NTNG1: variants seen among roughly 807,000 people sequenced by gnomAD.
The protein encoded by NTNG1 is netrin G1.
A neutral mutation model predicts 54.0 loss-of-function variants in NTNG1; 16 were observed. The ratio of observed to expected loss-of-function variants is 0.30; its 90% confidence interval spans 0.20 to 0.45. The LOEUF (loss-of-function observed/expected upper bound fraction) is 0.45. Among genes scored for constraint, NTNG1 ranks in the 20% least tolerant of loss-of-function variants. The probability of loss-of-function intolerance (pLI) is 1.00; values close to 1 mark genes in which losing one functional copy is unlikely to be tolerated. For missense variants in NTNG1, 530 were observed against 678.7 expected (o/e 0.78, Z 2.43); for synonymous variants, 255 against 263.1 (o/e 0.97, Z 0.30).
chr1:107,394,996 G>A (rs1672590255), intron 3 of NTNG1, among the ~76,000 whole-genome samples, 158 bp from the exon 4 acceptor site: 1 of 152,090 alleles, frequency 6.6e-6, no homozygotes, highest in Admixed American at 6.6e-5. Flanking sequence ...CTCTTTTGGG[G>A]AAGATTCTGA....
intron 7 of NTNG1, among the ~76,000 whole-genome samples, chr1:107,437,356 A>G (rs1278711570): frequency 6.6e-6 from 1 of 152,214 alleles, no homozygotes; most frequent in Non-Finnish European, 1.5e-5. Context: ...CTATGCGAGG[A>G]GCTGTGGACA....
chr1:107,348,457 C>T (rs1477816666), intron 3 of NTNG1, among the ~76,000 whole-genome samples: 1 of 152,008 alleles, frequency 6.6e-6, no homozygotes, highest in African/African-American at 2.4e-5. Flanking sequence ...ATGTTAATAC[C>T]TCTATTTTAC....
intron 2 of NTNG1, among the ~76,000 whole-genome samples, chr1:107,198,771 A>G (rs147773805): frequency 6.6e-6 from 1 of 151,774 alleles, no homozygotes; most frequent in Admixed American, 6.6e-5. Context: ...GTGTGGTTTC[A>G]TAGGGCGTTT....
chr1:107,304,012 T>C (rs1666498843), intron 2 of NTNG1, among the ~76,000 whole-genome samples: 1 of 145,750 alleles, frequency 6.9e-6, no homozygotes, highest in Admixed American at 6.7e-5. Flanking sequence ...CCCCTGCCTC[T>C]TTTCAGAAAA....
chr1:107,244,145 A>G (rs1394727364), intron 2 of NTNG1, among the ~76,000 whole-genome samples: 2 of 152,208 alleles, frequency 1.3e-5, no homozygotes, highest in Non-Finnish European at 2.9e-5. Flanking sequence ...AACTTTATAT[A>G]TAATGTTGCC....
intron 2 of NTNG1, among the ~76,000 whole-genome samples, chr1:107,298,897 C>T (rs1490025904): frequency 2.0e-5 from 3 of 152,112 alleles, no homozygotes; most frequent in Non-Finnish European, 4.4e-5. Context: ...AATATAAGCA[C>T]CAAACTTACA....
At chr1:107,307,400 G>A (rs1210937964) in intron 2 of NTNG1, among the ~76,000 whole-genome samples, 2 of 152,158 alleles carry the variant, frequency 1.3e-5, no homozygotes, top group Non-Finnish European at 2.9e-5. Flanking sequence ...TGATGATGAT[G>A]CTAGTAATTT....
At chr1:107,142,516 C>A (rs1653804942) in intron 1 of NTNG1, among the ~76,000 whole-genome samples, 1 of 151,900 alleles carries the variant, frequency 6.6e-6, no homozygotes, top group African/African-American at 2.4e-5. Flanking sequence ...AATAATGGAG[C>A]CACTCCTCAT....
chr1:107,332,766 A>G (rs945024680), intron 3 of NTNG1, among the ~76,000 whole-genome samples: 3 of 152,156 alleles, frequency 2.0e-5, no homozygotes, highest in Non-Finnish European at 4.4e-5. Flanking sequence ...ATTCTGTTGC[A>G]ATATGGGTCT....
At chr1:107,301,455 G>A (rs1666311283) in intron 2 of NTNG1, among the ~76,000 whole-genome samples, 1 of 152,148 alleles carries the variant, frequency 6.6e-6, no homozygotes, top group Non-Finnish European at 1.5e-5. Flanking sequence ...CCTCCTGGCT[G>A]ACTTCAAACC....
chr1:107,307,805 C>G lies in NTNG1; in HGVS notation c.247-16477C>G, dbSNP rs538340282. The stretch of plus-strand genomic sequence containing the variant: ...TTCTCTCTGTCTTCTAACACTTAGC[C>G]CTGTTCTCACTTCTACGTAAGCTGT... On this transcript the variant is annotated intron_variant, in intron 2 of 7. Transcript: ENST00000370068. Among the ~76,000 whole-genome samples the G allele has an allele frequency of 2.0e-5, 3 of 152,230 alleles. No individual in the cohort carries two copies. In the East Asian group the frequency reaches 5.8e-4, roughly 29 times the overall value.
At chr1:107,416,886 A>G (rs754795719) in intron 5 of NTNG1, among the ~76,000 whole-genome samples, 2 of 152,068 alleles carry the variant, frequency 1.3e-5, no homozygotes, top group Non-Finnish European at 2.9e-5. Flanking sequence ...CCGAACTAAG[A>G]TTGTCTTAAT....
chr1:107,381,655 A>G (rs1156499421), intron 3 of NTNG1, among the ~76,000 whole-genome samples: 1 of 152,198 alleles, frequency 6.6e-6, no homozygotes, highest in Non-Finnish European at 1.5e-5. Context: ...GTAGTCAGGT[A>G]TGTTAGTTAG....
At chr1:107,362,161 C>T (rs1338813368) in intron 3 of NTNG1, among the ~76,000 whole-genome samples, 1 of 152,188 alleles carries the variant, frequency 6.6e-6, no homozygotes, top group African/African-American at 2.4e-5. Flanking sequence ...ACCCATTTTC[C>T]TCAGAACTCT....
intron 2 of NTNG1, among the ~76,000 whole-genome samples, chr1:107,321,366 C>T (rs1667652618): frequency 1.3e-5 from 2 of 152,028 alleles, no homozygotes; most frequent in Admixed American, 1.3e-4. Flanking sequence ...CTGTGCCAAG[C>T]AATGAAGAAC....
intron 3 of NTNG1, among the ~76,000 whole-genome samples, chr1:107,357,739 T>A (rs1670023862): frequency 6.6e-6 from 1 of 152,236 alleles, no homozygotes; most frequent in Admixed American, 6.5e-5. Context: ...AATTCGTTTT[T>A]CACAATGACA....
chr1:107,463,961 T>C (rs1677438778), intron 7 of NTNG1, among the ~76,000 whole-genome samples: 1 of 152,174 alleles, frequency 6.6e-6, no homozygotes, highest in Non-Finnish European at 1.5e-5. Flanking sequence ...TCCTAGACTA[T>C]ATAAAAAGGA....
chr1:107,435,374 G>C (rs1675534180), intron 6 of NTNG1, among the ~76,000 whole-genome samples: 1 of 152,122 alleles, frequency 6.6e-6, no homozygotes, highest in African/African-American at 2.4e-5. Flanking sequence ...CAGGCAAGGA[G>C]AGAGCATTTT....
chr1:107,436,272 G>A (rs992175693), intron 6 of NTNG1, among the ~76,000 whole-genome samples: 1 of 152,198 alleles, frequency 6.6e-6, no homozygotes, highest in African/African-American at 2.4e-5. Context: ...AATATTGAGT[G>A]CAATGGCTAA....
Sources: allele counts gnomAD v4.1 joint callset (sites outside exome capture counted in the v4.1 genomes callset), GRCh38; gene constraint gnomAD v4.1.1; transcripts MANE v1.5; gene names NCBI Gene and HGNC (gene_info 2026-07-23, HGNC 2026-07-21).